Variants in PTPRE observed in about 807,000 individuals in gnomAD.
The protein encoded by PTPRE is protein tyrosine phosphatase receptor type E.
In PTPRE, 51 loss-of-function variants were observed where a neutral mutation model predicts 102.0. That is an observed-to-expected ratio of 0.50 (90% CI 0.40 to 0.63). The LOEUF (loss-of-function observed/expected upper bound fraction) is 0.63. Ranked by LOEUF, PTPRE falls within the 30% of genes least tolerant of loss-of-function variation. The pLI, the probability that PTPRE is intolerant of heterozygous loss-of-function variation, is 0.00. For synonymous variants in PTPRE, 345 were observed against 348.2 expected, an observed-to-expected ratio of 0.99 and a Z score of 0.10; for missense variants, 752 against 915.1, an observed-to-expected ratio of 0.82 and a Z score of 2.30.
At chr10:128,024,411 C>T (rs1434086881) in intron 2 of PTPRE, among the ~76,000 whole-genome samples, 1 of 152,158 alleles carries the variant, frequency 6.6e-6, no homozygotes, top group Non-Finnish European at 1.5e-5. Flanking sequence ...AGCGTGCTTT[C>T]GAGAAGGTTC....
chr10:127,918,477 T>C (rs1160048130), intron 1 of PTPRE, among the ~76,000 whole-genome samples: 2 of 149,074 alleles, frequency 1.3e-5, no homozygotes, highest in Non-Finnish European at 3.0e-5. Context: ...GAGAATGGCA[T>C]GAACCCGGGA....
chr10:127,979,785 G>A (rs886187830), intron 1 of PTPRE, among the ~76,000 whole-genome samples: 1 of 152,194 alleles, frequency 6.6e-6, no homozygotes, highest in Non-Finnish European at 1.5e-5. Context: ...ACCAAAATTG[G>A]TCTTTTCCCA....
chr10:127,930,468 G>A (rs1469616958), intron 1 of PTPRE, among the ~76,000 whole-genome samples: 1 of 152,214 alleles, frequency 6.6e-6, no homozygotes, highest in Non-Finnish European at 1.5e-5. Flanking sequence ...TTATGGCTGA[G>A]TAGCATTCTG....
chr10:127,988,933 A>G (rs1852368555), intron 2 of PTPRE, among the ~76,000 whole-genome samples: 1 of 152,222 alleles, frequency 6.6e-6, no homozygotes. Flanking sequence ...AAAACATGTC[A>G]TGTAATAGAT....
At chr10:127,955,114 C>T (rs1395382008) in intron 1 of PTPRE, among the ~76,000 whole-genome samples, 1 of 151,934 alleles carries the variant, frequency 6.6e-6, no homozygotes, top group Non-Finnish European at 1.5e-5. Flanking sequence ...TACAGAAGAT[C>T]CCCTAGGGTG....
chr10:128,026,127 G>A (rs932366354), intron 2 of PTPRE, among the ~76,000 whole-genome samples: 1 of 152,174 alleles, frequency 6.6e-6, no homozygotes, highest in African/African-American at 2.4e-5. Context: ...GACTCTGCAC[G>A]GCCCAGGTGG....
At position 128,067,855 on chromosome 10, in the gene PTPRE, G is replaced by A. The variant is rs147150672; in HGVS notation, c.844-268G>A. 2.1e-4 allele frequency among the ~76,000 whole-genome samples: 32 copies of A among 152,296 alleles called. No individual in the cohort carries two copies. In the East Asian group the frequency reaches 5.4e-3, roughly 26 times the overall value. On this transcript the variant is annotated intron_variant, in intron 11 of 20. Coordinates refer to ENST00000254667, the MANE Select transcript of PTPRE (RefSeq NM_006504.6). ...GTCTGTGAGCACACAGACCAACTTT[G>A]GGGATGTGTCTGGCTGCTTGGGCCC...
intron 16 of PTPRE, 142 bp downstream of exon 16, chr10:128,072,356 CT>C: frequency 1.3e-6 from 1 of 779,778 alleles, no homozygotes; most frequent in Non-Finnish European, 2.0e-6. Context: ...GAATTACTTG[CT>C]TAAAAAAAAA....
intron 1 of PTPRE, among the ~76,000 whole-genome samples, chr10:127,953,666 C>T (rs1179511383): frequency 1.3e-5 from 2 of 152,204 alleles, no homozygotes; most frequent in African/African-American, 4.8e-5. Context: ...CTTGCCTGCA[C>T]CCCATGGTCA....
intron 1 of PTPRE, among the ~76,000 whole-genome samples, chr10:127,949,840 C>T (rs921331526): frequency 2.0e-5 from 3 of 152,154 alleles, no homozygotes; most frequent in East Asian, 1.9e-4. Context: ...GATGGGGAAA[C>T]GTGGGGAGAC....
In PTPRE at chr10:127,930,854, G is replaced by A. The variant is rs550164460; in HGVS notation, c.-31+23545G>A. On this transcript the variant is annotated intron_variant, in intron 1 of 20. Coordinates refer to ENST00000254667, the MANE Select transcript of PTPRE (RefSeq NM_006504.6). ...TGTTGCCAGGCTGGAGTGCAGTGGC[G>A]CGATATCGGCTCACTGCAACTTCAG... Among the ~76,000 whole-genome samples, 24 of 150,660 alleles carry A rather than the reference G, an allele frequency of 1.6e-4. 1 individual carries two copies. The East Asian group carries it at 3.5e-3, about 22-fold the overall frequency.
intron 2 of PTPRE, among the ~76,000 whole-genome samples, chr10:128,001,500 TTGCTTCTTCG>T (rs575465444): frequency 3.9e-5 from 6 of 152,288 alleles, no homozygotes; most frequent in Non-Finnish European, 8.8e-5. Context: ...ACCCCCGGAA[TTGCTTCTTCG>T]GGGCTGTTCA....
At chr10:127,931,951 AC>A (rs1847477409) in intron 1 of PTPRE, among the ~76,000 whole-genome samples, 1 of 152,154 alleles carries the variant, frequency 6.6e-6, no homozygotes, top group African/African-American at 2.4e-5. Flanking sequence ...ACTTTTGTGG[AC>A]CCTTTTATAT....
intron 1 of PTPRE, among the ~76,000 whole-genome samples, chr10:127,955,556 T>C (rs1849344549): frequency 6.6e-6 from 1 of 152,260 alleles, no homozygotes; most frequent in African/African-American, 2.4e-5. Flanking sequence ...TATTCTTTTA[T>C]CATGTAACAA....
chr10:127,975,954 C>T (rs1234901468), intron 1 of PTPRE, among the ~76,000 whole-genome samples: 1 of 152,102 alleles, frequency 6.6e-6, no homozygotes, highest in Non-Finnish European at 1.5e-5. Context: ...ATAACAAACT[C>T]CTCATATGAG....
rs1326564252 is a variant in PTPRE at position 128,066,205 on chromosome 10, C to G, written c.843+11C>G. The stretch of plus-strand genomic sequence containing the variant: ...TTCTGCATACAGCCAGTAAGCATCT[C>G]TAGTTGCTGCCCTTCCAGAAAGATC... On this transcript the variant is annotated intron_variant, in intron 11 of 20. Transcript: ENST00000254667. 6.2e-7 allele frequency: 1 copy of G among 1,611,980 alleles called. No individual in the cohort carries two copies. The highest frequency in any genetic ancestry group is 8.5e-7 in the Non-Finnish European group (1 of 1,178,380).
At chr10:127,978,046 CG>C (rs1677089839) in intron 1 of PTPRE, among the ~76,000 whole-genome samples, 1 of 152,142 alleles carries the variant, frequency 6.6e-6, no homozygotes, top group Admixed American at 6.5e-5. Context: ...ATGGCCATCC[CG>C]GGGCTTTCCT....
At chr10:127,920,682 G>C (rs1457443347) in intron 1 of PTPRE, among the ~76,000 whole-genome samples, 1 of 152,192 alleles carries the variant, frequency 6.6e-6, no homozygotes, top group Non-Finnish European at 1.5e-5. Flanking sequence ...GGGGCTGAAG[G>C]GAGGTTGGGT....
Position 127,927,027 on chromosome 10 carries a change from G to A in PTPRE, c.-31+19718G>A, listed in dbSNP as rs545039105. Among the ~76,000 whole-genome samples, 3 of 152,012 alleles carry A rather than the reference G, an allele frequency of 2.0e-5. No individual in the cohort carries two copies. In the East Asian group the frequency reaches 5.8e-4, roughly 30 times the overall value. On this transcript the variant is annotated intron_variant, in intron 1 of 20. Transcript: ENST00000254667. ...GGGTTTCACTGTGTTGGCCAGGCCA[G>A]TCTCGAACTCCTGACCTCATGATCT...
Sources: gnomAD v4.1 joint callset for allele counts (sites outside exome capture counted in the v4.1 genomes callset) on GRCh38, gnomAD v4.1.1 for gene constraint, MANE v1.5 for transcripts, NCBI Gene and HGNC (gene_info 2026-07-23, HGNC 2026-07-21) for gene names.